The following IGSF8 variants were observed in gnomAD, a reference collection of about 807,000 sequenced individuals.
IGSF8 encodes CD81 partner 3.
IGSF8 carries 46 observed loss-of-function variants against 55.5 expected under a neutral mutation model. The observed-to-expected ratio is 0.83, with a 90% CI of 0.65 to 1.06. The LOEUF (loss-of-function observed/expected upper bound fraction) is 1.06, where lower values mean the gene tolerates loss of function less well. Among genes scored for constraint, IGSF8 ranks in the 50% least tolerant of loss-of-function variants. The pLI, the probability that IGSF8 is intolerant of heterozygous loss-of-function variation, is 0.00. For missense variants in IGSF8, 731 were observed against 832.3 expected (o/e 0.88, Z 1.50); for synonymous variants, 314 against 356.1 (o/e 0.88, Z 1.33).
At position 160,095,234 on chromosome 1, in the gene IGSF8, C is replaced by T; in HGVS notation, c.77G>A (p.Trp26Ter). 1.9e-6 allele frequency: 3 copies of T among 1,602,074 alleles called. No homozygotes were observed. The highest frequency in any genetic ancestry group is 2.5e-6 in the Non-Finnish European group (3 of 1,179,178). ...CTCGGGGACCAGCACCTCCCGGGCCCAGCATCCCATTCCTGTAGGGAAAGG... is the reference window on the plus strand; with the variant it reads ...CTCGGGGACCAGCACCTCCCGGGCCTAGCATCCCATTCCTGTAGGGAAAGG... ...LLLLMLGMGC[W>*]AREVLVPEGP... Residue 26 changes from tryptophan (W) to a stop codon, truncating the protein, a stop_gained, in exon 2 of 7, where the codon TGG becomes TAG. Transcript: ENST00000314485. LOFTEE classifies it high-confidence loss of function.
upstream of IGSF8, among the ~76,000 whole-genome samples, chr1:160,099,276 C>G (rs747592900): frequency 3.6e-4 from 55 of 152,254 alleles, no homozygotes; most frequent in Middle Eastern, 3.4e-3. Context: ...GTGACTGTGA[C>G]CACGCATTTA....
rs1301973871 is a variant in IGSF8 at position 160,091,503 on chromosome 1, T to C, written c.*121A>G. ...GAGGCACGTCTCCCATTCTGGGTAG[T>C]GGGAGGTCAAATAAATTAAAGGAAG... On this transcript the variant is annotated 3_prime_UTR_variant, in exon 7 of 7. Coordinates refer to ENST00000314485, the MANE Select transcript of IGSF8 (RefSeq NM_052868.6). 2 of 320,244 alleles carry C rather than the reference T, an allele frequency of 6.2e-6. No homozygotes were observed. Among genetic ancestry groups the C allele is most frequent in the African/African-American group, 2.2e-5 (1 of 46,504 alleles). The allele number at this position is 320,244 out of a possible 1,614,324, so 19.8% of individuals were successfully genotyped here. A position where few individuals can be genotyped will look rare whatever the true frequency, so the allele number is the denominator to read the frequency against.
In IGSF8 at chr1:160,098,481, G is replaced by A; in HGVS notation, c.-9C>T. The A allele has an allele frequency of 1.3e-6, 2 of 1,537,644 alleles. No homozygotes were observed. The highest frequency in any genetic ancestry group is 1.7e-6 in the Non-Finnish European group (2 of 1,143,248). Reference sequence around the variant, plus strand: ...GGCCTGAGGGCGCCCATCCTGCGCGGCCAGCTCTGGGGAGGCTCCGGGGGA... The same window carrying A: ...GGCCTGAGGGCGCCCATCCTGCGCGACCAGCTCTGGGGAGGCTCCGGGGGA... On this transcript the variant is annotated 5_prime_UTR_variant, in exon 1 of 7. Transcript: ENST00000314485.
chr1:160,098,644 C>T, upstream of IGSF8: 1 of 557,278 alleles, frequency 1.8e-6, no homozygotes, highest in South Asian at 2.2e-5. Flanking sequence ...CCTCCCGCTG[C>T]TTTCCCTCCA....
In IGSF8 at chr1:160,092,989, C is replaced by A; in HGVS notation, c.1247G>T (p.Gly416Val). 6.2e-7 allele frequency: 1 copy of A among 1,613,824 alleles called. No homozygotes were observed. The highest frequency in any genetic ancestry group is 8.5e-7 in the Non-Finnish European group (1 of 1,179,702). Reference protein sequence around the residue: ...CLAKAYVRGSGTRLREAASAR... With the variant: ...CLAKAYVRGSVTRLREAASAR... ...ACTGGCTGCTTCACGAAGCCGGGTC[C>A]CAGACCCTCGAACATAGGCTTTGGC... Residue 416 changes from glycine to valine, a missense_variant, in exon 4 of 7, where the codon GGG becomes GTG. Physicochemically the swap from Gly to Val is moderately radical, Grantham distance 109. Transcript: ENST00000314485.
rs574693193 is a variant in IGSF8 at position 160,092,900 on chromosome 1, G to A, written c.1312+24C>T. The A allele has an allele frequency of 4.4e-5, 69 of 1,577,450 alleles. 1 individual carries two copies. Among genetic ancestry groups the A allele is most frequent in the South Asian group, 3.4e-4 (30 of 87,366 alleles). On this transcript the variant is annotated intron_variant, in intron 4 of 6. Coordinates refer to ENST00000314485, the MANE Select transcript of IGSF8 (RefSeq NM_052868.6). The stretch of plus-strand genomic sequence containing the variant: ...AAGGGGTTGACAATCCTCGAACCCC[G>A]TCCAGGGCCCAGCCCCCTCTCACCT...
intron 3 of IGSF8, 120 bp from the exon 4 acceptor site, chr1:160,093,451 TCACTAGG>T (rs1452617844): frequency 1.0e-6 from 1 of 972,800 alleles, no homozygotes; most frequent in Non-Finnish European, 1.5e-6. Flanking sequence ...TGTCTCCCCC[TCACTAGG>T]TATGACCATC....
rs752218759 is a variant in IGSF8, at chr1:160,092,371, G to A, written c.1637C>T (p.Pro546Leu). The change falls in exon 5 of 7, where the codon CCC (proline) becomes CTC (leucine). Residue 546 changes from proline to leucine, a missense_variant. Transcript: ENST00000314485. ...GTCGGCATGCTGCACCCAGGCGCTG[G>A]GGGCACAGTGGTACACGCCTTCATC... ...PEDEGVYHCAPSAWVQHADYS... is the reference protein window; with the variant it reads ...PEDEGVYHCALSAWVQHADYS... The A allele has an allele frequency of 6.2e-7, 1 of 1,613,738 alleles. No individual in the cohort carries two copies. Among genetic ancestry groups the A allele is most frequent in the South Asian group, 1.1e-5 (1 of 91,078 alleles).
chr1:160,094,832 A>G lies in IGSF8; in HGVS notation c.442+37T>C, dbSNP rs1471796178. The G allele has an allele frequency of 1.3e-6, 2 of 1,577,300 alleles. No individual in the cohort carries two copies. On this transcript the variant is annotated intron_variant, in intron 2 of 6. Transcript: ENST00000314485. The surrounding 1 kb of genome is among the most constrained non-coding windows in gnomAD (Gnocchi z 4.0). The stretch of plus-strand genomic sequence containing the variant: ...TGTGGCCTTGACTTTCTGCCTTGAG[A>G]GGGTGTGTGGCTCCACCCCGTCCCA...
At chr1:160,098,057 C>T in intron 1 of IGSF8, 1 of 859,678 alleles carries the variant, frequency 1.2e-6, no homozygotes. Context: ...CAAGGCCAGG[C>T]CTGGAGCTGA....
chr1:160,095,014 C>T lies in IGSF8; in HGVS notation c.297G>A (p.Glu99=). The T allele has an allele frequency of 1.2e-6, 2 of 1,614,166 alleles. No individual in the cohort carries two copies. Among genetic ancestry groups the T allele is most frequent in the Non-Finnish European group, 1.7e-6 (2 of 1,180,036 alleles). The part of the protein sequence containing the change: ...AVFKSRVVAG[E]VQVQRLQGDA... Reference sequence around the variant, plus strand: ...CACCTTGTAGGCGCTGCACCTGCACCTCACCCGCCACCACTCGGGACTTGA... The same window carrying T: ...CACCTTGTAGGCGCTGCACCTGCACTTCACCCGCCACCACTCGGGACTTGA... The change falls in exon 2 of 7, where the codon GAG becomes GAA. Residue 99 remains glutamate, a synonymous_variant. Transcript: ENST00000314485.
At chr1:160,095,278 C>G (rs772704732) in intron 1 of IGSF8, 32 bp from the exon 2 acceptor site, 53 of 1,572,792 alleles carry the variant, frequency 3.4e-5, no homozygotes, top group Non-Finnish European at 4.3e-5. Flanking sequence ...GTTGGAGATG[C>G]CTGGTTCCTC....
rs77089681 is a variant in IGSF8 at position 160,098,287 on chromosome 1, C to T, written c.64+122G>A. 4,715 of 1,393,184 alleles carry T rather than the reference C, an allele frequency of 3.4e-3. 141 individuals are homozygous for T. The African/African-American group carries it at 0.059, about 18-fold the overall frequency. The allele number at this position is 1,393,184 out of a possible 1,614,324, so 86.3% of individuals were successfully genotyped here. On this transcript the variant is annotated intron_variant, in intron 1 of 6. Coordinates refer to ENST00000314485, the MANE Select transcript of IGSF8 (RefSeq NM_052868.6). ...CACAAAGCGCAGCTGGACGCCGACC[C>T]CGGGGAGGCTGGAGGTACCCCTGAC...
At position 160,092,518 on chromosome 1, in the gene IGSF8, A is replaced by C; in HGVS notation, c.1490T>G (p.Val497Gly). The C allele has an allele frequency of 1.2e-6, 2 of 1,613,118 alleles. No homozygotes were observed. Among genetic ancestry groups the C allele is most frequent in the Non-Finnish European group, 1.7e-6 (2 of 1,179,708 alleles). Reference sequence around the variant, plus strand: ...CACACCATCCTGGCCTACGCCACCCACCAGCTGGGCAGGGACAGAGCTGAG... The same window carrying C: ...CACACCATCCTGGCCTACGCCACCCCCCAGCTGGGCAGGGACAGAGCTGAG... ...GELSSVPAQL[V>G]GGVGQDGVAE... Residue 497 changes from valine (V) to glycine (G), a missense_variant, in exon 5 of 7, where the codon GTG becomes GGG. By Grantham distance (109) the Val-to-Gly change is moderately radical. Coordinates refer to ENST00000314485, the MANE Select transcript of IGSF8 (RefSeq NM_052868.6).
At position 160,098,412 on chromosome 1, in the gene IGSF8, G is replaced by C. The variant is rs914083345; in HGVS notation, c.61C>G (p.Leu21Val). Residue 21 changes from leucine to valine, a missense_variant, in exon 1 of 7, where the codon CTA becomes GTA. By Grantham distance (32) the Leu-to-Val change is conservative. Coordinates refer to ENST00000314485, the MANE Select transcript of IGSF8 (RefSeq NM_052868.6). ...PSLPLLLLLM[L>V]GMGCWAREVL... is the part of the protein sequence containing the mutation. ...CCGGAACGGGGGCCTGGCTTACCTAGCATTAGCAGCAGCAGCAGCGGCAGC... is the reference window on the plus strand; with the variant it reads ...CCGGAACGGGGGCCTGGCTTACCTACCATTAGCAGCAGCAGCAGCGGCAGC... 3 of 1,550,758 alleles carry C rather than the reference G, an allele frequency of 1.9e-6. No homozygotes were observed. Among genetic ancestry groups the C allele is most frequent in the Non-Finnish European group, 1.7e-6 (2 of 1,146,800 alleles).
Position 160,094,667 on chromosome 1 carries a change from C to G in IGSF8, c.442+202G>C, listed in dbSNP as rs1650289071. On this transcript the variant is annotated intron_variant, in intron 2 of 6. Coordinates refer to ENST00000314485, the MANE Select transcript of IGSF8 (RefSeq NM_052868.6). The surrounding 1 kb of genome is among the most constrained non-coding windows in gnomAD (Gnocchi z 4.0). ...AGGGGTCTTAATATGATAAGATGAGCACTGGCCTGGGTGAGGAACTCTGGG... is the reference window on the plus strand; with the variant it reads ...AGGGGTCTTAATATGATAAGATGAGGACTGGCCTGGGTGAGGAACTCTGGG... Among the ~76,000 whole-genome samples the G allele has an allele frequency of 6.6e-6, 1 of 152,002 alleles. No individual in the cohort carries two copies. Among genetic ancestry groups the G allele is most frequent in the African/African-American group, 2.4e-5 (1 of 41,342 alleles).
chr1:160,096,056 T>C (rs1354327959), intron 1 of IGSF8, among the ~76,000 whole-genome samples: 2 of 152,196 alleles, frequency 1.3e-5, no homozygotes, highest in Non-Finnish European at 2.9e-5. Flanking sequence ...TCTCTTTCTG[T>C]AGGGAGGCAC....
intron 5 of IGSF8, 95 bp downstream of exon 5, chr1:160,092,187 G>C (rs1212517422): frequency 7.7e-7 from 1 of 1,304,742 alleles, no homozygotes; most frequent in African/African-American, 1.4e-5. Context: ...GGAGGAGAGA[G>C]ATAGTAGCAG....
upstream of IGSF8, chr1:160,099,006 G>A (rs1341370240): frequency 1.1e-5 from 1 of 94,222 alleles, no homozygotes; most frequent in Non-Finnish European, 2.1e-5. Context: ...CTCCTCCCCG[G>A]GCCCCGGCCC....
Sources: allele counts gnomAD v4.1 joint callset (sites outside exome capture counted in the v4.1 genomes callset), GRCh38; gene constraint gnomAD v4.1.1; non-coding constraint Gnocchi (gnomAD v3.1); transcripts MANE v1.5; gene names NCBI Gene and HGNC (gene_info 2026-07-23, HGNC 2026-07-21).